Variants in CLSTN1 observed in about 807,000 individuals in gnomAD.
CLSTN1 encodes the protein calsyntenin-1.
Under a neutral mutation model 108.3 loss-of-function variants are expected in CLSTN1, and 28 were observed. The observed-to-expected ratio is 0.26, with a 90% CI of 0.19 to 0.35. CLSTN1 has a LOEUF of 0.35. Among genes scored for constraint, CLSTN1 ranks in the 10% least tolerant of loss-of-function variants. The pLI is 1.00. For missense variants in CLSTN1, 1,157 were observed against 1,302.6 expected (o/e 0.89, Z 1.72); for synonymous variants, 524 against 534.9 (o/e 0.98, Z 0.28).
chr1:9,798,710 T>C (rs544233993), intron 1 of CLSTN1, among the ~76,000 whole-genome samples: 3 of 152,234 alleles, frequency 2.0e-5, no homozygotes, highest in South Asian at 4.1e-4. Context: ...TGCCACTGGA[T>C]TGTACATTTT....
intron 7 of CLSTN1, among the ~76,000 whole-genome samples, chr1:9,748,911 G>C (rs944900780): frequency 1.3e-5 from 2 of 151,978 alleles, no homozygotes; most frequent in Admixed American, 6.6e-5. Flanking sequence ...TCAAATCAGT[G>C]GTTCTTTTTT....
rs139269753 is a variant in CLSTN1, at chr1:9,734,029, G to A, written c.2224C>T (p.Arg742Cys). ...ACTTCAATGCCCTTCTGCTGCAGGC[G>A]GGCCATGTCCACCTCCAGGCTCTCC... ...EQESLEVDMARLQQKGIEVSS... is the reference protein window; with the variant it reads ...EQESLEVDMACLQQKGIEVSS... The change falls in exon 15 of 19, where the codon CGC becomes TGC. Residue 742 changes from arginine (R) to cysteine (C), a missense_variant. Physicochemically the swap from Arg to Cys is radical, Grantham distance 180 (BLOSUM62 -3). Coordinates refer to ENST00000377298, the MANE Select transcript of CLSTN1 (RefSeq NM_001009566.3). This position sits in a 1 kb window ranked among gnomAD's most constrained non-coding sequence, Gnocchi z 4.8. The A allele has an allele frequency of 4.8e-5, 78 of 1,614,134 alleles. No homozygotes were observed. The highest frequency in any genetic ancestry group is 2.4e-4 in the African/African-American group (18 of 75,030).
At chr1:9,791,067 A>T (rs1653747349) in intron 1 of CLSTN1, among the ~76,000 whole-genome samples, 1 of 144,152 alleles carries the variant, frequency 6.9e-6, no homozygotes, top group Non-Finnish European at 1.5e-5. Flanking sequence ...GGGAGGCGGG[A>T]GGAGGCAGAA....
At chr1:9,778,266 A>ACACACACGCACG (rs1004270678) in intron 1 of CLSTN1, among the ~76,000 whole-genome samples, 3 of 150,116 alleles carry the variant, frequency 2.0e-5, no homozygotes, top group Admixed American at 6.7e-5. Context: ...ACACACACAC[A>ACACACACGCACG]CACGCAGACT....
Position 9,733,484 on chromosome 1 carries a change from C to A in CLSTN1, c.2344G>T (p.Ala782Ser). Residue 782 changes from alanine to serine, a missense_variant, in exon 16 of 19, where the codon GCC becomes TCC. By Grantham distance (99) the Ala-to-Ser change is moderately conservative. Coordinates refer to ENST00000377298, the MANE Select transcript of CLSTN1 (RefSeq NM_001009566.3). ...AACTTCCGGTCAAGCAAGGACCTGG[C>A]ATGCCAGTTCCGATAGCGCAGCAGG... The part of the protein sequence containing the change: ...LHLLRYRNWH[A>S]RSLLDRKFKL... 6.2e-7 allele frequency: 1 copy of A among 1,614,202 alleles called. No individual in the cohort carries two copies. The highest frequency in any genetic ancestry group is 1.7e-5 in the Admixed American group (1 of 60,020).
At chr1:9,806,937 G>C (rs1285931992) in intron 1 of CLSTN1, among the ~76,000 whole-genome samples, 2 of 151,436 alleles carry the variant, frequency 1.3e-5, no homozygotes, top group African/African-American at 4.9e-5. Context: ...CAAAGAGGCA[G>C]TCTTTTAAGT....
At chr1:9,731,099 G>A (rs1224488730) in intron 18 of CLSTN1, 107 bp downstream of exon 18, 6 of 1,311,664 alleles carry the variant, frequency 4.6e-6, no homozygotes, top group Non-Finnish European at 6.6e-6. Context: ...CTGAGCAGAT[G>A]ACGCGATGGA....
intron 1 of CLSTN1, among the ~76,000 whole-genome samples, chr1:9,819,721 T>A (rs868255642): frequency 3.9e-5 from 6 of 152,334 alleles, no homozygotes; most frequent in Middle Eastern, 3.4e-3. Context: ...TTCAAAATTG[T>A]TCGTATTTTA....
Position 9,734,466 on chromosome 1 carries a change from T to C in CLSTN1, c.2111-324A>G, listed in dbSNP as rs1365822330. Among the ~76,000 whole-genome samples the C allele has an allele frequency of 1.3e-5, 2 of 151,530 alleles. No homozygotes were observed. The highest frequency in any genetic ancestry group is 4.9e-5 in the African/African-American group (2 of 41,190). Reference sequence around the variant, plus strand: ...GGCAGGTCCCTGTAATCCCAGCTATTCGGGAGGCTGAGGCAGGAGAATCGC... The same window carrying C: ...GGCAGGTCCCTGTAATCCCAGCTATCCGGGAGGCTGAGGCAGGAGAATCGC... On this transcript the variant is annotated intron_variant, in intron 14 of 18. Coordinates refer to ENST00000377298, the MANE Select transcript of CLSTN1 (RefSeq NM_001009566.3). This position sits in a 1 kb window ranked among gnomAD's most constrained non-coding sequence, Gnocchi z 4.8.
intron 16 of CLSTN1, 102 bp from the exon 17 acceptor site, chr1:9,731,998 T>G: frequency 6.9e-7 from 1 of 1,439,846 alleles, no homozygotes; most frequent in Non-Finnish European, 9.7e-7. Flanking sequence ...CCACTCAGAG[T>G]GGCTCCTGGA....
chr1:9,733,973 TG>T lies in CLSTN1; in HGVS notation c.2279del (p.Thr760LysfsTer38). The T allele has an allele frequency of 1.2e-6, 2 of 1,612,204 alleles. No homozygotes were observed. The highest frequency in any genetic ancestry group is 1.7e-6 in the Non-Finnish European group (2 of 1,178,932). On this transcript the variant is annotated frameshift_variant and splice_region_variant, in exon 15 of 19. Transcript: ENST00000377298. LOFTEE classifies it high-confidence loss of function. ...VSSSELGMTF[T>X]GVDTMASYEE... ...GCGTGGCTGCAGCGCTCCCCTTACCTGTGAAGGTCATGCCCAGTTCAGAGCT... is the reference window on the plus strand; with the variant it reads ...GCGTGGCTGCAGCGCTCCCCTTACCTTGAAGGTCATGCCCAGTTCAGAGCT...
chr1:9,742,512 C>G (rs1305375033), intron 9 of CLSTN1, among the ~76,000 whole-genome samples: 2 of 152,116 alleles, frequency 1.3e-5, no homozygotes, highest in Non-Finnish European at 2.9e-5. Flanking sequence ...ACAGTATATA[C>G]TTAGAAGAAA....
At chr1:9,744,088 G>A (rs1460317552) in intron 8 of CLSTN1, 83 bp from the exon 9 acceptor site, 6 of 1,554,148 alleles carry the variant, frequency 3.9e-6, no homozygotes, top group African/African-American at 1.4e-5. Context: ...GGATTTTGAA[G>A]ACACAATTTC....
chr1:9,738,339 A>T (rs1650799164), intron 10 of CLSTN1, among the ~76,000 whole-genome samples: 1 of 151,880 alleles, frequency 6.6e-6, no homozygotes, highest in Non-Finnish European at 1.5e-5. Flanking sequence ...GGGAAAGGCC[A>T]CTCCTCAAGC....
At chr1:9,737,072 CA>C (rs922093036) in intron 11 of CLSTN1, among the ~76,000 whole-genome samples, 60 of 149,598 alleles carry the variant, frequency 4.0e-4, no homozygotes, top group African/African-American at 1.5e-3. Context: ...GACTCCATCT[CA>C]AAACAAAAAA....
At chr1:9,781,899 G>A (rs565195775) in intron 1 of CLSTN1, among the ~76,000 whole-genome samples, 1 of 152,264 alleles carries the variant, frequency 6.6e-6, no homozygotes, top group South Asian at 2.1e-4. Flanking sequence ...GTAATGTGTA[G>A]TAGTTGTGAC....
chr1:9,756,372 A>G, intron 3 of CLSTN1, 109 bp downstream of exon 3: 1 of 821,254 alleles, frequency 1.2e-6, no homozygotes. Flanking sequence ...AGAATAAATA[A>G]GGATAAAAGA....
intron 7 of CLSTN1, among the ~76,000 whole-genome samples, chr1:9,748,076 C>T (rs1651368845): frequency 6.6e-6 from 1 of 151,742 alleles, no homozygotes; most frequent in Non-Finnish European, 1.5e-5. Context: ...TAACCTAAAT[C>T]TCATGGTTGT....
rs201253862 is a variant in CLSTN1, at chr1:9,743,963, C to T, written c.1277G>A (p.Arg426Gln). 136 of 1,614,106 alleles carry T rather than the reference C, an allele frequency of 8.4e-5. No individual in the cohort carries two copies. In the South Asian group the frequency reaches 8.5e-4, roughly 10 times the overall value. ...ATCCTGACGGAAGAGGAAGATCAGC[C>T]GGCACCCGTGGACATAGAGGGAGTA... is the stretch of plus-strand genomic sequence containing the variant. ...HHYSLYVHGC[R>Q]LIFLFRQDPS... Residue 426 changes from arginine (R) to glutamine (Q), a missense_variant, in exon 9 of 19, where the codon CGG becomes CAG. Arg to Gln is a conservative substitution (Grantham distance 43). Coordinates refer to ENST00000377298, the MANE Select transcript of CLSTN1 (RefSeq NM_001009566.3).
Sources: gnomAD v4.1 joint callset for allele counts (sites outside exome capture counted in the v4.1 genomes callset) on GRCh38, gnomAD v4.1.1 for gene constraint, Gnocchi (gnomAD v3.1) non-coding constraint, MANE v1.5 for transcripts, NCBI Gene and HGNC (gene_info 2026-07-23, HGNC 2026-07-21) for gene names.